The following LYRM4 variants were observed in gnomAD, a reference collection of about 807,000 sequenced individuals.
LYRM4 encodes the protein LYR motif-containing protein 4.
Under a neutral mutation model 11.7 loss-of-function variants are expected in LYRM4, and 9 were observed. The ratio of observed to expected loss-of-function variants is 0.77; its 90% CI spans 0.46 to 1.34. LYRM4 has a LOEUF of 1.34. Among genes scored for constraint, LYRM4 ranks in the 40% most tolerant of loss-of-function variants. The probability of loss-of-function intolerance (pLI) is 0.00; values close to 1 mark genes in which losing one functional copy is unlikely to be tolerated. For missense variants in LYRM4, 133 were observed against 112.5 expected (o/e 1.18, Z -0.82); for synonymous variants, 42 against 40.4 (o/e 1.04, Z -0.15).
intron 1 of LYRM4, among the ~76,000 whole-genome samples, chr6:5,230,349 C>G (rs1763163034): frequency 6.6e-6 from 1 of 152,168 alleles, no homozygotes; most frequent in Admixed American, 6.5e-5. Flanking sequence ...CATATTTCTT[C>G]TAAAAGTATC....
chr6:5,201,232 C>T (rs1006199536), intron 2 of LYRM4, among the ~76,000 whole-genome samples: 2 of 151,888 alleles, frequency 1.3e-5, no homozygotes, highest in Non-Finnish European at 2.9e-5. Context: ...AAGAAAAATT[C>T]CTTTAGTTTT....
chr6:5,191,643 A>G (rs1760762464), intron 2 of LYRM4, among the ~76,000 whole-genome samples: 1 of 152,224 alleles, frequency 6.6e-6, no homozygotes, highest in Non-Finnish European at 1.5e-5. Context: ...GAATTAGAAA[A>G]ATCACCATAT....
chr6:5,233,692 A>T (rs1763373234), intron 1 of LYRM4, among the ~76,000 whole-genome samples: 1 of 152,054 alleles, frequency 6.6e-6, no homozygotes. Flanking sequence ...CCCAGGCTGG[A>T]CTCCAACTCC....
chr6:5,234,827 A>G (rs765832319), intron 1 of LYRM4, among the ~76,000 whole-genome samples: 1 of 152,208 alleles, frequency 6.6e-6, no homozygotes, highest in African/African-American at 2.4e-5. Flanking sequence ...ATTGAGGAAG[A>G]AGGAAATTAC....
intron 2 of LYRM4, among the ~76,000 whole-genome samples, chr6:5,180,709 A>G (rs968111415): frequency 6.6e-6 from 1 of 152,212 alleles, no homozygotes; most frequent in African/African-American, 2.4e-5. Flanking sequence ...CCTGGTGACC[A>G]ATCACTGCAG....
chr6:5,207,817 T>C (rs1761783088), intron 2 of LYRM4, among the ~76,000 whole-genome samples: 1 of 152,216 alleles, frequency 6.6e-6, no homozygotes, highest in African/African-American at 2.4e-5. Flanking sequence ...GGGATCAAGC[T>C]ATTCATGAGC....
At chr6:5,093,033 A>G in the LYRM4 span, among the ~76,000 whole-genome samples, 857 of 152,338 alleles carry the variant, frequency 5.6e-3, 12 homozygotes, top group African/African-American at 0.019. Context: ...AGTGTTAACA[A>G]TGAAACACAC....
At chr6:5,243,835 TAAAAC>T (rs1255581894) in intron 1 of LYRM4, among the ~76,000 whole-genome samples, 8 of 152,238 alleles carry the variant, frequency 5.3e-5, no homozygotes, top group African/African-American at 1.9e-4. Context: ...GGCATCTTAA[TAAAAC>T]AAAGTATCTA....
chr6:5,040,823 G>A, the LYRM4 span, among the ~76,000 whole-genome samples: 1 of 151,840 alleles, frequency 6.6e-6, no homozygotes, highest in Non-Finnish European at 1.5e-5. Flanking sequence ...ATTAATAGAA[G>A]GATTATCTTT....
rs566116818 is a variant in LYRM4, at chr6:5,144,799, C to A, written c.208-35308G>T. Among the ~76,000 whole-genome samples the A allele has an allele frequency of 3.0e-3, 451 of 152,346 alleles. 3 individuals carry two copies. Among genetic ancestry groups the A allele is most frequent in the Non-Finnish European group, 4.9e-3 (332 of 68,026 alleles). The stretch of plus-strand genomic sequence containing the variant: ...CTGCAGTGCGGCGCTCACTCCCGGG[C>A]TGCCCGGCCTTCCCTGCAAACCTCC... On this transcript the variant is annotated intron_variant, in intron 2 of 2. Transcript: ENST00000330636.
chr6:5,170,923 G>T (rs985978819), intron 2 of LYRM4, among the ~76,000 whole-genome samples: 7 of 152,216 alleles, frequency 4.6e-5, no homozygotes, highest in African/African-American at 1.7e-4. Context: ...CTCAACATAT[G>T]ATGGTTACTG....
rs74737470 is a variant in LYRM4 at position 5,182,000 on chromosome 6, T to C, written c.207+34618A>G. 9.4e-4 allele frequency among the ~76,000 whole-genome samples: 143 copies of C among 152,308 alleles called. 3 individuals are homozygous for C. In the East Asian group the frequency reaches 0.025, roughly 27 times the overall value. On this transcript the variant is annotated intron_variant, in intron 2 of 2. Coordinates refer to ENST00000330636, the MANE Select transcript of LYRM4 (RefSeq NM_020408.6). ...TTATTGCTGTTAAGAGCATTCCTGT[T>C]GAACCAAGCAAAAAAATACCTCCCC...
At chr6:5,051,720 A>G in the LYRM4 span, among the ~76,000 whole-genome samples, 1 of 152,174 alleles carries the variant, frequency 6.6e-6, no homozygotes, top group South Asian at 2.1e-4. Flanking sequence ...GTTGCTAGGT[A>G]ATTTTTTTTA....
chr6:5,034,522 A>C, the LYRM4 span: 1 of 152,234 alleles, frequency 6.6e-6, no homozygotes, highest in Non-Finnish European at 1.5e-5. Context: ...CTGAGTTCCC[A>C]TGAGAACTGA....
chr6:5,179,964 A>C (rs1178049310), intron 2 of LYRM4, among the ~76,000 whole-genome samples: 3 of 152,218 alleles, frequency 2.0e-5, no homozygotes, highest in Non-Finnish European at 4.4e-5. Context: ...GGCAGATAGA[A>C]TCTTACTGTG....
At chr6:5,203,466 A>G (rs575553860) in intron 2 of LYRM4, among the ~76,000 whole-genome samples, 1 of 151,956 alleles carries the variant, frequency 6.6e-6, no homozygotes, top group Non-Finnish European at 1.5e-5. Context: ...ACTTCCAAAC[A>G]CCACCTTGCC....
chr6:5,058,403 C>T, the LYRM4 span, among the ~76,000 whole-genome samples: 1 of 152,160 alleles, frequency 6.6e-6, no homozygotes, highest in Admixed American at 6.5e-5. Flanking sequence ...TTCTAAGGTC[C>T]GGGGCTTAAC....
intron 2 of LYRM4, among the ~76,000 whole-genome samples, chr6:5,192,659 G>C (rs1056106893): frequency 3.3e-5 from 5 of 152,140 alleles, no homozygotes; most frequent in African/African-American, 1.2e-4. Context: ...TCCATGATGA[G>C]ATCTAACTTC....
chr6:5,220,963 T>C (rs756377696), intron 1 of LYRM4, among the ~76,000 whole-genome samples: 5 of 152,122 alleles, frequency 3.3e-5, no homozygotes, highest in Non-Finnish European at 7.4e-5. Context: ...CCCAAGTAGC[T>C]GGGAATACAG....
Sources: gnomAD v4.1 joint callset for allele counts (sites outside exome capture counted in the v4.1 genomes callset) on GRCh38, gnomAD v4.1.1 for gene constraint, MANE v1.5 for transcripts, NCBI Gene and HGNC (gene_info 2026-07-23, HGNC 2026-07-21) for gene names.